Variants in VTI1A observed in about 807,000 individuals in gnomAD.
VTI1A encodes vesicle transport through interaction with t-SNAREs homolog 1A.
In VTI1A, 22 loss-of-function variants were observed where a neutral mutation model predicts 34.9. The ratio of observed to expected loss-of-function variants is 0.63; its 90% confidence interval spans 0.45 to 0.90. VTI1A has a LOEUF of 0.90. VTI1A is among the 40% of genes least tolerant of loss of function. The pLI, the probability that VTI1A is intolerant of heterozygous loss-of-function variation, is 0.00. For missense variants in VTI1A, 268 were observed against 275.6 expected, an observed-to-expected ratio of 0.97 and a Z score of 0.20; for synonymous variants, 87 against 97.3, an observed-to-expected ratio of 0.89 and a Z score of 0.62.
chr10:112,759,901 A>G (rs1047156195), intron 7 of VTI1A, among the ~76,000 whole-genome samples: 2 of 152,190 alleles, frequency 1.3e-5, no homozygotes, highest in Non-Finnish European at 2.9e-5. Flanking sequence ...GGGTGATTGA[A>G]TGTGGATGCT....
At chr10:112,830,847 A>ATTTTTTTTTTTTT in the VTI1A span, among the ~76,000 whole-genome samples, 2 of 30,992 alleles carry the variant, frequency 6.5e-5, no homozygotes, top group African/African-American at 3.6e-4. Context: ...ATATATATAT[A>ATTTTTTTTTTTTT]TATTTTTTTT....
At chr10:112,631,591 G>A (rs1359144181) in intron 5 of VTI1A, among the ~76,000 whole-genome samples, 1 of 152,210 alleles carries the variant, frequency 6.6e-6, no homozygotes, top group Non-Finnish European at 1.5e-5. Context: ...GCCTAGGTCA[G>A]TACTTCATTC....
At chr10:112,556,795 CA>C (rs1001526671) in intron 5 of VTI1A, among the ~76,000 whole-genome samples, 1 of 151,806 alleles carries the variant, frequency 6.6e-6, no homozygotes, top group African/African-American at 2.4e-5. Flanking sequence ...ATATAGAGAC[CA>C]AAAGGCCTGT....
At chr10:112,776,754 T>G (rs1851966428) in intron 7 of VTI1A, among the ~76,000 whole-genome samples, 1 of 150,064 alleles carries the variant, frequency 6.7e-6, no homozygotes, top group Non-Finnish European at 1.5e-5. Context: ...CTTGGCTCAC[T>G]GCAACCTCTG....
intron 5 of VTI1A, among the ~76,000 whole-genome samples, chr10:112,597,810 G>A (rs1844721428): frequency 6.9e-6 from 1 of 144,836 alleles, no homozygotes; most frequent in African/African-American, 2.6e-5. Context: ...CCATTCTCCT[G>A]CCTCAGCCTC....
chr10:112,488,093 C>T (rs1015433749), intron 3 of VTI1A, among the ~76,000 whole-genome samples: 6 of 152,192 alleles, frequency 3.9e-5, no homozygotes, highest in African/African-American at 1.4e-4. Context: ...TGTCAGAATA[C>T]ATACTTCCAA....
intron 7 of VTI1A, among the ~76,000 whole-genome samples, chr10:112,702,070 G>C (rs1485874052): frequency 6.6e-6 from 1 of 152,186 alleles, no homozygotes; most frequent in Non-Finnish European, 1.5e-5. Context: ...ACTGAAAGAA[G>C]CAGGAAGCAA....
At chr10:112,599,860 T>C (rs1844815338) in intron 5 of VTI1A, among the ~76,000 whole-genome samples, 1 of 152,186 alleles carries the variant, frequency 6.6e-6, no homozygotes. Context: ...ACTACAGGCG[T>C]GAGCCACAGT....
intron 5 of VTI1A, among the ~76,000 whole-genome samples, chr10:112,632,302 G>A (rs1312196761): frequency 6.6e-6 from 1 of 152,138 alleles, no homozygotes; most frequent in Non-Finnish European, 1.5e-5. Context: ...TTTTCCATAT[G>A]AACACAAAGT....
chr10:112,476,253 G>C (rs1189187431), intron 3 of VTI1A, among the ~76,000 whole-genome samples: 1 of 152,148 alleles, frequency 6.6e-6, no homozygotes, highest in Non-Finnish European at 1.5e-5. Flanking sequence ...ATGGTCAACA[G>C]TAGTCCAATA....
intron 5 of VTI1A, among the ~76,000 whole-genome samples, chr10:112,619,350 TCTGGAGGTCTGGGTAAGCACGTTCAC>T (rs1168411656): frequency 2.0e-5 from 3 of 152,006 alleles, no homozygotes; most frequent in African/African-American, 7.3e-5. Context: ...AGCACGTTCA[TCTGGAGGTCTGGGTAAGCACGTTCAC>T]CTGGAGGTCT....
intron 5 of VTI1A, among the ~76,000 whole-genome samples, chr10:112,644,670 G>A (rs1039208445): frequency 1.3e-5 from 2 of 152,152 alleles, no homozygotes; most frequent in African/African-American, 4.8e-5. Context: ...TTTGATTAGA[G>A]CTGTAAATGC....
intron 3 of VTI1A, among the ~76,000 whole-genome samples, chr10:112,476,445 T>G (rs1466562275): frequency 1.3e-5 from 2 of 152,186 alleles, no homozygotes; most frequent in African/African-American, 2.4e-5. Context: ...TAATTGATTT[T>G]TAAATGAAAT....
intron 3 of VTI1A, among the ~76,000 whole-genome samples, chr10:112,498,312 A>G (rs113158787): frequency 9.9e-4 from 151 of 152,292 alleles, no homozygotes; most frequent in Middle Eastern, 3.4e-3. Context: ...CTATTATTCT[A>G]TGATTTATAA....
chr10:112,704,896 T>G (rs984438310), intron 7 of VTI1A, among the ~76,000 whole-genome samples: 5 of 152,112 alleles, frequency 3.3e-5, no homozygotes, highest in Non-Finnish European at 7.4e-5. Context: ...TTTAATTTAC[T>G]TATTTTTCAG....
intron 3 of VTI1A, among the ~76,000 whole-genome samples, chr10:112,480,984 C>T (rs1848443116): frequency 6.6e-6 from 1 of 152,052 alleles, no homozygotes; most frequent in African/African-American, 2.4e-5. Context: ...TTGAGAAAGC[C>T]TTATTGGTTA....
intron 3 of VTI1A, among the ~76,000 whole-genome samples, chr10:112,521,529 C>T (rs1394541690): frequency 6.6e-6 from 1 of 151,982 alleles, no homozygotes; most frequent in Non-Finnish European, 1.5e-5. Flanking sequence ...TTGTTTATAA[C>T]ATTTAAATCT....
At chr10:112,846,765 C>CAAAA in the VTI1A span, among the ~76,000 whole-genome samples, 2 of 60,630 alleles carry the variant, frequency 3.3e-5, no homozygotes, top group Non-Finnish European at 6.9e-5. Flanking sequence ...GACTCCGTCT[C>CAAAA]AAAAAAAAAA....
In VTI1A at chr10:112,498,597, C is replaced by G. The variant is rs558840605; in HGVS notation, c.265-28490C>G. On this transcript the variant is annotated intron_variant, in intron 3 of 7. Coordinates refer to ENST00000393077, the MANE Select transcript of VTI1A (RefSeq NM_145206.4). The stretch of plus-strand genomic sequence containing the variant: ...AGAGGAACAAAATGACCATAATTTG[C>G]AAATATATTTAAACTAGACAGAAAA... Among the ~76,000 whole-genome samples the G allele has an allele frequency of 2.6e-5, 4 of 151,948 alleles. No homozygotes were observed. The East Asian group carries it at 7.7e-4, about 29-fold the overall frequency.
Sources: gnomAD v4.1 joint callset for allele counts (sites outside exome capture counted in the v4.1 genomes callset) on GRCh38, gnomAD v4.1.1 for gene constraint, MANE v1.5 for transcripts, NCBI Gene and HGNC (gene_info 2026-07-23, HGNC 2026-07-21) for gene names.